Variants in SVEP1 observed in about 807,000 individuals in gnomAD.
SVEP1 encodes the protein sushi, von Willebrand factor type A, EGF and pentraxin domain containing 1, also known as sushi, von Willebrand factor type A, EGF and pentraxin domain-containing protein 1.
Under a neutral mutation model 367.3 loss-of-function variants are expected in SVEP1, and 164 were observed. The ratio of observed to expected loss-of-function variants is 0.45; its 90% CI spans 0.39 to 0.51. The LOEUF is 0.51. Ranked by LOEUF, SVEP1 falls within the 20% of genes least tolerant of loss-of-function variation. The probability of loss-of-function intolerance (pLI) is 0.00; values close to 1 mark genes in which losing one functional copy is unlikely to be tolerated. For synonymous variants in SVEP1, 1,666 were observed against 1,611.6 expected (o/e 1.03, Z -0.81); for missense variants, 4,117 against 4,425.3 (o/e 0.93, Z 1.98).
At chr9:110,410,606 C>T (rs749405468) in intron 37 of SVEP1, among the ~76,000 whole-genome samples, 1 of 152,206 alleles carries the variant, frequency 6.6e-6, no homozygotes, top group Non-Finnish European at 1.5e-5. Context: ...CCACAAAGCA[C>T]TTGAAATGCC....
chr9:110,476,422 G>T, intron 13 of SVEP1, 107 bp from the exon 14 acceptor site: 1 of 789,920 alleles, frequency 1.3e-6, no homozygotes, highest in South Asian at 1.4e-5. Context: ...GGAGGGAAGG[G>T]AGGGCCCCAG....
intron 46 of SVEP1, among the ~76,000 whole-genome samples, chr9:110,373,889 G>A (rs901990430): frequency 6.6e-6 from 1 of 152,148 alleles, no homozygotes; most frequent in African/African-American, 2.4e-5. Flanking sequence ...GGTGCTAACA[G>A]GATGTTTTTT....
At position 110,508,617 on chromosome 9, in the gene SVEP1, C is replaced by T. The variant is rs370888856; in HGVS notation, c.1303+4309G>A. 5.0e-3 allele frequency among the ~76,000 whole-genome samples: 765 copies of T among 151,616 alleles called. 4 individuals are homozygous for T. Among genetic ancestry groups the T allele is most frequent in the African/African-American group, 0.018 (730 of 41,378 alleles). ...TCTACTAAAAATACAAAAAATTAGC[C>T]GGGCATGGTGGCGGGTGCCTGTAGT... On this transcript the variant is annotated intron_variant, in intron 5 of 47. Coordinates refer to ENST00000374469, the MANE Select transcript of SVEP1 (RefSeq NM_153366.4).
At chr9:110,541,857 CTATA>C (rs1830153361) in intron 3 of SVEP1, among the ~76,000 whole-genome samples, 4 of 138,008 alleles carry the variant, frequency 2.9e-5, no homozygotes, top group African/African-American at 1.1e-4. Flanking sequence ...CTATATATAT[CTATA>C]TACATAGATA....
intron 27 of SVEP1, 92 bp from the exon 28 acceptor site, chr9:110,436,596 C>A (rs953833320): frequency 7.0e-6 from 10 of 1,435,698 alleles, no homozygotes; most frequent in Non-Finnish European, 9.2e-6. Flanking sequence ...ACGACTGATA[C>A]AAATAAATGA....
intron 26 of SVEP1, among the ~76,000 whole-genome samples, chr9:110,444,418 GAAAT>G (rs1218053501): frequency 1.3e-5 from 2 of 152,156 alleles, no homozygotes; most frequent in Non-Finnish European, 2.9e-5. Context: ...AGAACTGTGA[GAAAT>G]ATATTTCTGT....
chr9:110,378,417 T>C (rs1009444706), intron 44 of SVEP1, among the ~76,000 whole-genome samples: 10 of 152,210 alleles, frequency 6.6e-5, no homozygotes, highest in African/African-American at 2.2e-4. Context: ...TTCCTCAATC[T>C]TCCCTGCTTC....
At chr9:110,394,030 T>C (rs568397708) in intron 40 of SVEP1, among the ~76,000 whole-genome samples, 13 of 152,290 alleles carry the variant, frequency 8.5e-5, no homozygotes, top group East Asian at 1.9e-4. Context: ...AGCACGCAGC[T>C]TGAGATCTGA....
chr9:110,394,290 G>A (rs1827721287), intron 40 of SVEP1, among the ~76,000 whole-genome samples: 1 of 152,190 alleles, frequency 6.6e-6, no homozygotes, highest in South Asian at 2.1e-4. Flanking sequence ...GCAGCTGAGG[G>A]TCCTGTCTGT....
chr9:110,464,332 T>C (rs1375565382), intron 18 of SVEP1, among the ~76,000 whole-genome samples: 5 of 152,238 alleles, frequency 3.3e-5, no homozygotes, highest in African/African-American at 1.2e-4. Context: ...GAATATTACT[T>C]GCCCAATGCC....
chr9:110,382,324 T>C (rs1827451031), intron 43 of SVEP1, among the ~76,000 whole-genome samples: 1 of 152,214 alleles, frequency 6.6e-6, no homozygotes, highest in Non-Finnish European at 1.5e-5. Flanking sequence ...ATTTTATTTC[T>C]CTTTCACTTA....
chr9:110,512,229 C>A (rs568576406), intron 5 of SVEP1, among the ~76,000 whole-genome samples: 1 of 152,044 alleles, frequency 6.6e-6, no homozygotes, highest in Non-Finnish European at 1.5e-5. Flanking sequence ...CCTTTGCTCG[C>A]CCCCCTTTTA....
chr9:110,456,352 C>G (rs1177122876), intron 21 of SVEP1, among the ~76,000 whole-genome samples: 1 of 152,188 alleles, frequency 6.6e-6, no homozygotes, highest in Non-Finnish European at 1.5e-5. Flanking sequence ...TTGAGAACCA[C>G]TGTCCTATAT....
At chr9:110,480,873 C>G (rs889296747) in intron 12 of SVEP1, among the ~76,000 whole-genome samples, 7 of 151,988 alleles carry the variant, frequency 4.6e-5, no homozygotes, top group Non-Finnish European at 1.0e-4. Flanking sequence ...CCACCCGCCT[C>G]AGCCTTCCAA....
chr9:110,540,765 T>C (rs922895781), intron 3 of SVEP1, among the ~76,000 whole-genome samples: 2 of 152,192 alleles, frequency 1.3e-5, no homozygotes, highest in African/African-American at 4.8e-5. Context: ...TAACAAAGAC[T>C]GGTATTCAAG....
intron 3 of SVEP1, among the ~76,000 whole-genome samples, chr9:110,514,417 G>C (rs1201120839): frequency 4.6e-5 from 7 of 151,566 alleles, no homozygotes. Context: ...GGAGGCCAAG[G>C]CAGGAGAATC....
chr9:110,500,266 A>C (rs1265178706), intron 6 of SVEP1, among the ~76,000 whole-genome samples: 1 of 152,178 alleles, frequency 6.6e-6, no homozygotes, highest in African/African-American at 2.4e-5. Context: ...ACTTTGATCA[A>C]CAGGAAAATC....
At chr9:110,398,162 G>T (rs538035615) in intron 40 of SVEP1, among the ~76,000 whole-genome samples, 140 of 152,158 alleles carry the variant, frequency 9.2e-4, no homozygotes, top group African/African-American at 3.3e-3. Context: ...CAATGGAACA[G>T]AACAGAGCCC....
intron 28 of SVEP1, among the ~76,000 whole-genome samples, chr9:110,435,652 TG>T (rs889223382): frequency 1.3e-5 from 2 of 152,200 alleles, no homozygotes; most frequent in Admixed American, 6.5e-5. Context: ...GTTAAGGGGT[TG>T]TAGAGGCTCT....
Sources: allele counts gnomAD v4.1 joint callset (sites outside exome capture counted in the v4.1 genomes callset), GRCh38; gene constraint gnomAD v4.1.1; transcripts MANE v1.5; gene names NCBI Gene and HGNC (gene_info 2026-07-23, HGNC 2026-07-21).